Variants in RAD51B observed in about 807,000 individuals in gnomAD.
RAD51B encodes RAD51 paralog B, also known as DNA repair protein RAD51 homolog 2.
In RAD51B, 38 loss-of-function variants were observed where a neutral mutation model predicts 42.2. The ratio of observed to expected loss-of-function variants is 0.90; its 90% CI spans 0.70 to 1.18. RAD51B has a LOEUF of 1.18. RAD51B is among the 50% of genes most tolerant of loss of function. The pLI is 0.00. For missense variants in RAD51B, 373 were observed against 400.7 expected, an observed-to-expected ratio of 0.93 and a Z score of 0.59; for synonymous variants, 154 against 145.2, an observed-to-expected ratio of 1.06 and a Z score of -0.43.
At chr14:68,443,502 A>G (rs1033079800) in intron 9 of RAD51B, among the ~76,000 whole-genome samples, 3 of 152,212 alleles carry the variant, frequency 2.0e-5, no homozygotes, top group African/African-American at 7.2e-5. Context: ...GACCAAAAAA[A>G]TTCAGATGCT....
intron 9 of RAD51B, among the ~76,000 whole-genome samples, chr14:68,452,285 G>A (rs768513564): frequency 3.3e-5 from 5 of 152,096 alleles, no homozygotes; most frequent in Non-Finnish European, 5.9e-5. Context: ...TTTAATTGGC[G>A]CTAGATTGAA....
chr14:67,859,132 G>C (rs1458036029), intron 4 of RAD51B, among the ~76,000 whole-genome samples: 1 of 152,174 alleles, frequency 6.6e-6, no homozygotes, highest in Non-Finnish European at 1.5e-5. Context: ...AGACTGTTGG[G>C]TATCAGTTAT....
At chr14:68,070,180 G>A (rs117666623) in intron 7 of RAD51B, among the ~76,000 whole-genome samples, 3,905 of 152,064 alleles carry the variant, frequency 0.026, 64 homozygotes, top group Middle Eastern at 0.044. Context: ...CTGGATATTA[G>A]ACCTTGGTTG....
chr14:68,441,541 C>CAAAAAAAAAAAAAAAAAAAAAAAAAAAAA (rs67477807), intron 9 of RAD51B, among the ~76,000 whole-genome samples: 1 of 68,034 alleles, frequency 1.5e-5, no homozygotes. Context: ...GACTCCATCT[C>CAAAAAAAAAAAAAAAAAAAAAAAAAAAAA]AAAAAAAAAA....
chr14:68,229,741 G>A (rs1477885808), intron 7 of RAD51B, among the ~76,000 whole-genome samples: 1 of 152,148 alleles, frequency 6.6e-6, no homozygotes, highest in African/African-American at 2.4e-5. Context: ...CCAAACAAAG[G>A]ACATGGCCCT....
chr14:67,912,452 C>G (rs1467239537), intron 7 of RAD51B, among the ~76,000 whole-genome samples: 1 of 152,102 alleles, frequency 6.6e-6, no homozygotes, highest in Non-Finnish European at 1.5e-5. Context: ...ATGTAACATG[C>G]AGAAAATTGT....
rs149891414 is a variant in RAD51B at position 68,291,463 on chromosome 14, A to C, written c.757-421A>C. 3.7e-3 allele frequency among the ~76,000 whole-genome samples: 570 copies of C among 152,148 alleles called. 4 individuals carry two copies. The highest frequency in any genetic ancestry group is 0.013 in the African/African-American group (549 of 41,518). ...GTGATCCGCCTGCCTCAGCCTCCCAAAGTGCTGGGATTACAGGCATGAGCC... is the reference window on the plus strand; with the variant it reads ...GTGATCCGCCTGCCTCAGCCTCCCACAGTGCTGGGATTACAGGCATGAGCC... On this transcript the variant is annotated intron_variant, in intron 7 of 10. Coordinates refer to ENST00000471583, the MANE Select transcript of RAD51B (RefSeq NM_133510.4).
chr14:67,938,890 C>T (rs1191455365), intron 7 of RAD51B, among the ~76,000 whole-genome samples: 1 of 152,116 alleles, frequency 6.6e-6, no homozygotes, highest in Non-Finnish European at 1.5e-5. Flanking sequence ...ACTGATTTGC[C>T]ATCTAGGGAG....
chr14:67,986,967 G>A (rs1167395479), intron 7 of RAD51B, among the ~76,000 whole-genome samples: 1 of 152,060 alleles, frequency 6.6e-6, no homozygotes, highest in Non-Finnish European at 1.5e-5. Flanking sequence ...CCTGACCTCG[G>A]GTGATCCACC....
At chr14:68,075,858 TGTTCC>T (rs1446044453) in intron 7 of RAD51B, among the ~76,000 whole-genome samples, 1 of 152,210 alleles carries the variant, frequency 6.6e-6, no homozygotes, top group Admixed American at 6.5e-5. Flanking sequence ...CAAAGCCCTT[TGTTCC>T]TTCCCCAGCC....
intron 10 of RAD51B, among the ~76,000 whole-genome samples, chr14:68,491,617 G>C (rs750335082): frequency 6.6e-6 from 1 of 152,150 alleles, no homozygotes; most frequent in East Asian, 1.9e-4. Context: ...AGTCCAAGTG[G>C]GGGGGCACTG....
chr14:68,107,969 C>G (rs956050730), intron 7 of RAD51B, among the ~76,000 whole-genome samples: 7 of 151,238 alleles, frequency 4.6e-5, no homozygotes, highest in African/African-American at 1.7e-4. Flanking sequence ...TATGGAGAAC[C>G]CTTATAATAT....
chr14:68,252,234 G>A lies in RAD51B; in HGVS notation c.757-39650G>A, dbSNP rs904493255. Among the ~76,000 whole-genome samples the A allele has an allele frequency of 3.3e-5, 5 of 152,096 alleles. No individual in the cohort carries two copies. In the South Asian group the frequency reaches 6.2e-4, roughly 19 times the overall value. ...AATTTGAGCTTTAGAGAATGATTAC[G>A]TTCTGATTGTCTTGGAAATATTCTC... On this transcript the variant is annotated intron_variant, in intron 7 of 10. Transcript: ENST00000471583.
At chr14:68,478,182 G>C (rs1420366452), downstream of RAD51B, 15 of 1,016,082 alleles carry the variant, frequency 1.5e-5, no homozygotes, top group Non-Finnish European at 1.8e-5. Flanking sequence ...GGCTGGGGGC[G>C]GGCATGGGCA....
At chr14:68,596,257 C>T (rs1236759992), downstream of RAD51B, among the ~76,000 whole-genome samples, 1 of 152,068 alleles carries the variant, frequency 6.6e-6, no homozygotes, top group Non-Finnish European at 1.5e-5. Flanking sequence ...ATTAATCGTA[C>T]CCAAACTTTT....
At position 68,354,633 on chromosome 14, in the gene RAD51B, C is replaced by T. The variant is rs905052203; in HGVS notation, c.854-56791C>T. ...CCTGTAATCCCAGAACTTTAGGAGA[C>T]GAAGTTGGGAGGATCACTTGAGTCT... On this transcript the variant is annotated intron_variant, in intron 8 of 10. Coordinates refer to ENST00000471583, the MANE Select transcript of RAD51B (RefSeq NM_133510.4). Among the ~76,000 whole-genome samples, 13 of 152,170 alleles carry T rather than the reference C, an allele frequency of 8.5e-5. No individual in the cohort carries two copies. The South Asian group carries it at 1.2e-3, about 15-fold the overall frequency.
chr14:68,013,035 C>T (rs2075711784), intron 7 of RAD51B, among the ~76,000 whole-genome samples: 1 of 152,128 alleles, frequency 6.6e-6, no homozygotes, highest in South Asian at 2.1e-4. Context: ...TTCTGTGGGT[C>T]AGGAATTCGG....
intron 10 of RAD51B, among the ~76,000 whole-genome samples, chr14:68,473,013 C>A (rs533512413): frequency 1.3e-5 from 2 of 152,164 alleles, no homozygotes; most frequent in Non-Finnish European, 2.9e-5. Flanking sequence ...AGTCACTGAG[C>A]CAGCTGGATG....
At chr14:68,213,959 A>G (rs1175835709) in intron 7 of RAD51B, among the ~76,000 whole-genome samples, 3 of 152,180 alleles carry the variant, frequency 2.0e-5, no homozygotes, top group African/African-American at 7.2e-5. Context: ...TGAGAAATGG[A>G]CTCTGGCATC....
Sources: gnomAD v4.1 joint callset for allele counts (sites outside exome capture counted in the v4.1 genomes callset) on GRCh38, gnomAD v4.1.1 for gene constraint, MANE v1.5 for transcripts, NCBI Gene and HGNC (gene_info 2026-07-23, HGNC 2026-07-21) for gene names.